The following PPM1L variants were observed in gnomAD, a reference collection of about 807,000 sequenced individuals.
The protein encoded by PPM1L is protein phosphatase, Mg2+/Mn2+ dependent 1L, also known as protein phosphatase 1L.
In PPM1L, 13 loss-of-function variants were observed where a neutral mutation model predicts 31.4. That is an observed-to-expected ratio of 0.41 (90% CI 0.27 to 0.66). PPM1L has a LOEUF of 0.66. Among genes scored for constraint, PPM1L ranks in the 30% least tolerant of loss-of-function variants. PPM1L has a pLI of 0.29. For synonymous variants in PPM1L, 184 were observed against 175.4 expected (o/e 1.05, Z -0.39); for missense variants, 326 against 453.7 (o/e 0.72, Z 2.56).
At chr3:160,862,146 G>T (rs1257186650) in intron 1 of PPM1L, among the ~76,000 whole-genome samples, 1 of 152,170 alleles carries the variant, frequency 6.6e-6, no homozygotes, top group Non-Finnish European at 1.5e-5. Flanking sequence ...TGCTAATGAA[G>T]ATGATGAGGA....
intron 2 of PPM1L, among the ~76,000 whole-genome samples, chr3:161,004,144 A>G (rs1257354423): frequency 3.4e-5 from 5 of 145,502 alleles, no homozygotes; most frequent in Non-Finnish European, 6.1e-5. Flanking sequence ...GATTACATTT[A>G]TTGATTTGCG....
chr3:160,808,204 A>C (rs1444548514), intron 1 of PPM1L, among the ~76,000 whole-genome samples: 1 of 152,060 alleles, frequency 6.6e-6, no homozygotes, highest in Admixed American at 6.5e-5. Flanking sequence ...TTTCTGCTTA[A>C]TCAACTCTGT....
At chr3:160,973,439 A>C (rs1212965333) in intron 2 of PPM1L, among the ~76,000 whole-genome samples, 2 of 152,226 alleles carry the variant, frequency 1.3e-5, no homozygotes, top group African/African-American at 2.4e-5. Flanking sequence ...TACTATCGGG[A>C]TTGTGTAAAC....
chr3:160,769,669 G>C lies in PPM1L; in HGVS notation c.399+12962G>C, dbSNP rs140266995. Among the ~76,000 whole-genome samples the C allele has an allele frequency of 7.3e-3, 1,109 of 152,040 alleles. 11 individuals are homozygous for C. The highest frequency in any genetic ancestry group is 0.026 in the African/African-American group (1,073 of 41,448). ...ATTCACTATAGTTAATGCTGCTGAT[G>C]AATGTGGAAATATTATAGTAGTTCT... is the stretch of plus-strand genomic sequence containing the variant. On this transcript the variant is annotated intron_variant, in intron 1 of 3. Coordinates refer to ENST00000498165, the MANE Select transcript of PPM1L (RefSeq NM_139245.4).
rs1719843299 is a variant in PPM1L at position 161,069,419 on chromosome 3, G to A, written c.*262G>A. The stretch of plus-strand genomic sequence containing the variant: ...CAAAATATATAAGTAAATAGCTGTA[G>A]AGTCACATATATGAAGTGAATAGCA... On this transcript the variant is annotated 3_prime_UTR_variant, in exon 4 of 4. Coordinates refer to ENST00000498165, the MANE Select transcript of PPM1L (RefSeq NM_139245.4). The A allele has an allele frequency of 4.2e-6, 2 of 479,922 alleles. No homozygotes were observed. Among genetic ancestry groups the A allele is most frequent in the Non-Finnish European group, 7.4e-6 (2 of 268,774 alleles). The allele number at this position is 479,922 out of a possible 1,614,324, so 29.7% of individuals were successfully genotyped here.
At chr3:160,798,044 A>T (rs1399372779) in intron 1 of PPM1L, among the ~76,000 whole-genome samples, 1 of 152,018 alleles carries the variant, frequency 6.6e-6, no homozygotes, top group Non-Finnish European at 1.5e-5. Context: ...TGGGCGTGGT[A>T]GTGCGTGCCT....
intron 1 of PPM1L, among the ~76,000 whole-genome samples, chr3:160,935,308 C>G (rs1322086133): frequency 1.3e-5 from 2 of 152,168 alleles, no homozygotes; most frequent in Admixed American, 6.5e-5. Context: ...ATCTGTTGCT[C>G]TTATCTCCAC....
At chr3:160,835,079 C>CTTT (rs1457873224) in intron 1 of PPM1L, among the ~76,000 whole-genome samples, 3 of 147,274 alleles carry the variant, frequency 2.0e-5, no homozygotes, top group African/African-American at 7.6e-5. Context: ...TCTTCTTCTT[C>CTTT]TTCTTCTTTC....
At chr3:160,820,096 C>G (rs1713148833) in intron 1 of PPM1L, among the ~76,000 whole-genome samples, 1 of 151,850 alleles carries the variant, frequency 6.6e-6, no homozygotes, top group African/African-American at 2.4e-5. Flanking sequence ...GTGAGGAGAC[C>G]AGTTGGAGGT....
chr3:160,758,028 C>T (rs1030452784), intron 1 of PPM1L, among the ~76,000 whole-genome samples: 3 of 152,190 alleles, frequency 2.0e-5, no homozygotes, highest in African/African-American at 7.2e-5. Context: ...CCAACTTTGC[C>T]AAGAATGACA....
chr3:160,964,703 A>G lies in PPM1L; in HGVS notation c.574+2793A>G, dbSNP rs1716077287. 5.9e-5 allele frequency among the ~76,000 whole-genome samples: 9 copies of G among 152,148 alleles called. No individual in the cohort carries two copies. In the South Asian group the frequency reaches 1.9e-3, roughly 32 times the overall value. ...AAAAGTCTAGCAACATCTATTTGAT[A>G]AAACACCCGCTCTGAGCTCAGTTTG... On this transcript the variant is annotated intron_variant, in intron 2 of 3. Coordinates refer to ENST00000498165, the MANE Select transcript of PPM1L (RefSeq NM_139245.4).
intron 1 of PPM1L, among the ~76,000 whole-genome samples, chr3:160,888,167 A>G (rs935569262): frequency 6.6e-6 from 1 of 152,226 alleles, no homozygotes; most frequent in Non-Finnish European, 1.5e-5. Context: ...GACAGGATCA[A>G]ATTCACACAT....
chr3:161,037,581 ATT>A (rs58432151), intron 2 of PPM1L, among the ~76,000 whole-genome samples: 2,233 of 119,680 alleles, frequency 0.019, 58 homozygotes, highest in African/African-American at 0.064. Flanking sequence ...TGCCCGGCTA[ATT>A]TTTTTTTTTT....
intron 1 of PPM1L, among the ~76,000 whole-genome samples, chr3:160,790,879 C>A (rs936025005): frequency 6.6e-6 from 1 of 151,978 alleles, no homozygotes; most frequent in Admixed American, 6.6e-5. Context: ...GTATGTTTGA[C>A]GTGGGAAGGA....
rs77900087 is a variant in PPM1L, at chr3:160,998,147, T to G, written c.574+36237T>G. 5.7e-3 allele frequency among the ~76,000 whole-genome samples: 870 copies of G among 152,314 alleles called. 2 individuals are homozygous for G. Among genetic ancestry groups the G allele is most frequent in the Non-Finnish European group, 0.01 (695 of 68,008 alleles). On this transcript the variant is annotated intron_variant, in intron 2 of 3. Coordinates refer to ENST00000498165, the MANE Select transcript of PPM1L (RefSeq NM_139245.4). ...TAACATTACTGGAAAAATTTCTCTC[T>G]TGGAAGACATTTCCACATTCCAATT...
chr3:161,009,313 T>C (rs1174408059), intron 2 of PPM1L, among the ~76,000 whole-genome samples: 1 of 152,186 alleles, frequency 6.6e-6, no homozygotes, highest in Non-Finnish European at 1.5e-5. Flanking sequence ...GCTTTAAATG[T>C]CTTTTTCTTT....
chr3:160,805,912 C>T (rs1407756046), intron 1 of PPM1L, among the ~76,000 whole-genome samples: 1 of 152,168 alleles, frequency 6.6e-6, no homozygotes, highest in Non-Finnish European at 1.5e-5. Context: ...TTCTCAGCAT[C>T]TCTTGAAAAT....
At chr3:160,967,460 T>C (rs1300247754) in intron 2 of PPM1L, among the ~76,000 whole-genome samples, 1 of 151,976 alleles carries the variant, frequency 6.6e-6, no homozygotes, top group Non-Finnish European at 1.5e-5. Context: ...TGGTTCCTCA[T>C]AGATGGTTGT....
At chr3:160,858,401 C>A (rs1418225700) in intron 1 of PPM1L, among the ~76,000 whole-genome samples, 1 of 152,150 alleles carries the variant, frequency 6.6e-6, no homozygotes, top group Non-Finnish European at 1.5e-5. Context: ...AGCCTGCCAC[C>A]ACGCCCAGCT....
Sources: gnomAD v4.1 joint callset for allele counts (sites outside exome capture counted in the v4.1 genomes callset) on GRCh38, gnomAD v4.1.1 for gene constraint, MANE v1.5 for transcripts, NCBI Gene and HGNC (gene_info 2026-07-23, HGNC 2026-07-21) for gene names.